CTNNA2: variants seen among roughly 807,000 people sequenced by gnomAD.
CTNNA2 encodes catenin alpha 2, also known as catenin alpha-2.
In CTNNA2, 42 loss-of-function variants were observed where a neutral mutation model predicts 101.0. The ratio of observed to expected loss-of-function variants is 0.42; its 90% CI spans 0.32 to 0.54. CTNNA2 has a LOEUF of 0.54. Among genes scored for constraint, CTNNA2 ranks in the 20% least tolerant of loss-of-function variants. CTNNA2 has a pLI of 0.14. For missense variants in CTNNA2, 871 were observed against 1,223.1 expected, an observed-to-expected ratio of 0.71 and a Z score of 4.29; for synonymous variants, 450 against 456.4, an observed-to-expected ratio of 0.99 and a Z score of 0.18.
At chr2:80,507,625 A>G (rs922592495) in intron 9 of CTNNA2, among the ~76,000 whole-genome samples, 3 of 152,098 alleles carry the variant, frequency 2.0e-5, no homozygotes, top group Non-Finnish European at 4.4e-5. Flanking sequence ...CACATAATCT[A>G]TTTTGTAGGA....
At chr2:79,345,534 T>A (rs62156621) in intron 3 of CTNNA2, among the ~76,000 whole-genome samples, 2,326 of 152,308 alleles carry the variant, frequency 0.015, 18 homozygotes, top group Non-Finnish European at 0.024. Flanking sequence ...GAGTTTCCTC[T>A]TGCTTTCTAC....
chr2:80,350,987 A>C (rs1673234937), intron 7 of CTNNA2, among the ~76,000 whole-genome samples: 1 of 152,208 alleles, frequency 6.6e-6, no homozygotes. Flanking sequence ...ACTTCAGATG[A>C]CCTAAAGCCT....
intron 1 of CTNNA2, among the ~76,000 whole-genome samples, chr2:79,528,039 G>A (rs1672520564): frequency 6.6e-6 from 1 of 152,206 alleles, no homozygotes; most frequent in Non-Finnish European, 1.5e-5. Flanking sequence ...GACATTGTGT[G>A]AAGTGAAAGA....
chr2:79,677,629 A>T lies in CTNNA2; in HGVS notation c.102+25971A>T, dbSNP rs1174278688. Among the ~76,000 whole-genome samples the T allele has an allele frequency of 2.0e-5, 3 of 152,176 alleles. No individual in the cohort carries two copies. The East Asian group carries it at 5.8e-4, about 29-fold the overall frequency. On this transcript the variant is annotated intron_variant, in intron 2 of 18. Transcript: ENST00000402739. ...ATCTGAAAAGTACCAGAATTGTAAG[A>T]TTTCACTGAACTCTCATAATAAAAT...
At chr2:79,391,071 C>T (rs921807628) in intron 4 of CTNNA2, among the ~76,000 whole-genome samples, 1 of 152,132 alleles carries the variant, frequency 6.6e-6, no homozygotes, top group Admixed American at 6.5e-5. Flanking sequence ...TTCACCATTG[C>T]CTACTTTCCC....
chr2:80,588,513 A>G (rs1166521246), intron 14 of CTNNA2, among the ~76,000 whole-genome samples: 2 of 152,202 alleles, frequency 1.3e-5, no homozygotes, highest in Admixed American at 1.3e-4. Flanking sequence ...TGGGGTTACA[A>G]GTATATTTTA....
At position 80,144,873 on chromosome 2, in the gene CTNNA2, ATTC is replaced by A. The variant is rs547407156; in HGVS notation, c.1056+235079_1056+235081del. ...CACAACTGACGTTTGGGGCTGAGTA[ATTC>A]TTTGTTGTGGAAGATTGTCCTGTGC... On this transcript the variant is annotated intron_variant, in intron 7 of 18. Transcript: ENST00000402739. Among the ~76,000 whole-genome samples, 523 of 152,238 alleles carry A rather than the reference ATTC, an allele frequency of 3.4e-3. 1 individual carries two copies. Among genetic ancestry groups the A allele is most frequent in the Middle Eastern group, 0.01 (3 of 294 alleles).
intron 5 of CTNNA2, among the ~76,000 whole-genome samples, chr2:79,872,096 G>A (rs761654452): frequency 6.6e-6 from 1 of 152,026 alleles, no homozygotes; most frequent in Non-Finnish European, 1.5e-5. Context: ...ACATATTAAT[G>A]CATTTAAAAT....
chr2:79,875,083 G>GA (rs1301182757), intron 6 of CTNNA2, among the ~76,000 whole-genome samples: 1 of 152,164 alleles, frequency 6.6e-6, no homozygotes, highest in Non-Finnish European at 1.5e-5. Context: ...ACCCTCTGGG[G>GA]AGAGCCTGTG....
chr2:79,569,315 G>A (rs1223813411), intron 1 of CTNNA2, among the ~76,000 whole-genome samples: 1 of 152,046 alleles, frequency 6.6e-6, no homozygotes, highest in Non-Finnish European at 1.5e-5. Flanking sequence ...GAATGAACAG[G>A]GTCGGCTGGG....
At chr2:79,922,991 TCA>T (rs1371217711) in intron 7 of CTNNA2, among the ~76,000 whole-genome samples, 8 of 152,096 alleles carry the variant, frequency 5.3e-5, no homozygotes, top group African/African-American at 1.9e-4. Context: ...TTTGAATCCC[TCA>T]GAGTTAGTTA....
At chr2:79,599,362 A>G (rs1677401642) in intron 1 of CTNNA2, among the ~76,000 whole-genome samples, 2 of 152,210 alleles carry the variant, frequency 1.3e-5, no homozygotes, top group African/African-American at 2.4e-5. Context: ...AAACAGAAAT[A>G]TGAATAAATA....
chr2:79,288,241 G>A (rs1675678332), intron 2 of CTNNA2, among the ~76,000 whole-genome samples: 2 of 152,208 alleles, frequency 1.3e-5, no homozygotes, highest in Admixed American at 1.3e-4. Context: ...ATAGACCAGA[G>A]CTGTTCCTAT....
chr2:79,810,898 A>G (rs201817120), intron 3 of CTNNA2, among the ~76,000 whole-genome samples: 28,378 of 150,400 alleles, frequency 0.19, 3,112 homozygotes, highest in African/African-American at 0.31. Context: ...TGGTGTATAT[A>G]TGCCACATTT....
chr2:79,818,927 A>G (rs1488784714), intron 3 of CTNNA2, among the ~76,000 whole-genome samples: 1 of 145,754 alleles, frequency 6.9e-6, no homozygotes, highest in Non-Finnish European at 1.5e-5. Flanking sequence ...ACACATACAC[A>G]CAAAAGTATT....
intron 3 of CTNNA2, among the ~76,000 whole-genome samples, chr2:79,788,966 T>G (rs565550449): frequency 6.6e-6 from 1 of 152,328 alleles, no homozygotes; most frequent in South Asian, 2.1e-4. Flanking sequence ...AATGGTAAGA[T>G]AAACATATGT....
At chr2:80,599,762 G>A (rs1697307247) in intron 15 of CTNNA2, among the ~76,000 whole-genome samples, 1 of 151,928 alleles carries the variant, frequency 6.6e-6, no homozygotes, top group South Asian at 2.1e-4. Context: ...CATTTTAGTA[G>A]TTCAAAATTT....
intron 1 of CTNNA2, among the ~76,000 whole-genome samples, chr2:79,194,204 C>T (rs1427264955): frequency 6.6e-6 from 1 of 152,098 alleles, no homozygotes; most frequent in African/African-American, 2.4e-5. Flanking sequence ...TGTAAGAATA[C>T]TGAGAGGGTT....
intron 16 of CTNNA2, chr2:80,605,516 T>C (rs1573433921): frequency 6.6e-6 from 1 of 151,988 alleles, no homozygotes; most frequent in East Asian, 1.9e-4. Flanking sequence ...TCTCTGATGA[T>C]CTGATGATTT....
Sources: allele counts gnomAD v4.1 joint callset (sites outside exome capture counted in the v4.1 genomes callset), GRCh38; gene constraint gnomAD v4.1.1; transcripts MANE v1.5; gene names NCBI Gene and HGNC (gene_info 2026-07-23, HGNC 2026-07-21).